Variants in PRDM16 observed in about 807,000 individuals in gnomAD.
PRDM16 encodes histone-lysine N-methyltransferase PRDM16.
PRDM16 carries 23 observed loss-of-function variants against 110.6 expected under a neutral mutation model. The observed-to-expected ratio is 0.21, with a 90% confidence interval of 0.15 to 0.29. The LOEUF is 0.29. Among genes scored for constraint, PRDM16 ranks in the 10% least tolerant of loss-of-function variants. The probability of loss-of-function intolerance (pLI) is 1.00; values close to 1 mark genes in which losing one functional copy is unlikely to be tolerated. For synonymous variants in PRDM16, 799 were observed against 781.8 expected (o/e 1.02, Z -0.37); for missense variants, 1,615 against 1,794.3 (o/e 0.90, Z 1.81).
At chr1:3,138,978 T>C (rs1240519492) in intron 1 of PRDM16, among the ~76,000 whole-genome samples, 1 of 152,194 alleles carries the variant, frequency 6.6e-6, no homozygotes, top group East Asian at 1.9e-4. Context: ...AGTTTTCCTG[T>C]GTGCTGTGGG....
At chr1:3,422,167 C>T (rs1188369349) in intron 12 of PRDM16, among the ~76,000 whole-genome samples, 4 of 142,290 alleles carry the variant, frequency 2.8e-5, no homozygotes. Flanking sequence ...GGCAGACAGG[C>T]AGGAAGGCAG....
chr1:3,298,389 T>G (rs1487488786), intron 3 of PRDM16, among the ~76,000 whole-genome samples: 1 of 152,236 alleles, frequency 6.6e-6, no homozygotes, highest in African/African-American at 2.4e-5. Context: ...AGGGAAGCGC[T>G]GCAGGGCTGG....
chr1:3,154,656 G>T (rs1191661927), intron 1 of PRDM16, among the ~76,000 whole-genome samples: 1 of 152,074 alleles, frequency 6.6e-6, no homozygotes, highest in Admixed American at 6.5e-5. Context: ...GCAGTCGGCC[G>T]GGCATCCTGC....
rs77342112 is a variant in PRDM16 at position 3,279,975 on chromosome 1, G to A, written c.438+35838G>A. ...TCAAGACAAAACCTCATGGAATCCC[G>A]AGTCTTTTAAAAGAAATATTGATTT... On this transcript the variant is annotated intron_variant, in intron 3 of 16. Transcript: ENST00000270722. 8.1e-3 allele frequency among the ~76,000 whole-genome samples: 1,215 copies of A among 150,438 alleles called. 20 individuals are homozygous for A. The highest frequency in any genetic ancestry group is 0.028 in the African/African-American group (1,138 of 40,938).
Position 3,255,837 on chromosome 1 carries a change from A to G in PRDM16, c.438+11700A>G, listed in dbSNP as rs1042828301. ...CCATTGTCACTTGTGCCCAAAGCCAATCCCGTGGCCGCACCGACACCCGAA... is the reference window on the plus strand; with the variant it reads ...CCATTGTCACTTGTGCCCAAAGCCAGTCCCGTGGCCGCACCGACACCCGAA... On this transcript the variant is annotated intron_variant, in intron 3 of 16. Coordinates refer to ENST00000270722, the MANE Select transcript of PRDM16 (RefSeq NM_022114.4). This position sits in a 1 kb window ranked among gnomAD's most constrained non-coding sequence, Gnocchi z 4.7. 1.3e-4 allele frequency among the ~76,000 whole-genome samples: 20 copies of G among 152,148 alleles called. No individual in the cohort carries two copies. Among genetic ancestry groups the G allele is most frequent in the African/African-American group, 4.1e-4 (17 of 41,498 alleles).
Position 3,437,880 on chromosome 1 carries a change from A to T in PRDM16, c.*4069A>T, listed in dbSNP as rs1638950788. The T allele has an allele frequency of 4.6e-6, 1 of 219,652 alleles. No individual in the cohort carries two copies. The highest frequency in any genetic ancestry group is 9.1e-6 in the Non-Finnish European group (1 of 109,522). The allele number at this position is 219,652 out of a possible 1,614,324, so 13.6% of individuals were successfully genotyped here. A position where few individuals can be genotyped will look rare whatever the true frequency, so the allele number is the denominator to read the frequency against. ...TGCCACTGCGCTTTCGGCACGAGGG[A>T]TGCTGAGCCCTGGTGTCAGAGTCGT... is the stretch of plus-strand genomic sequence containing the variant. On this transcript the variant is annotated 3_prime_UTR_variant, in exon 17 of 17. Transcript: ENST00000270722.
At chr1:3,181,235 CTTACACACA>C (rs1644166893) in intron 1 of PRDM16, among the ~76,000 whole-genome samples, 3 of 146,092 alleles carry the variant, frequency 2.1e-5, no homozygotes, top group African/African-American at 7.7e-5. Flanking sequence ...TACACACGGT[CTTACACACA>C]GTCTTACACA....
intron 1 of PRDM16, among the ~76,000 whole-genome samples, chr1:3,185,330 A>C (rs768840088): frequency 6.6e-6 from 1 of 152,138 alleles, no homozygotes; most frequent in Non-Finnish European, 1.5e-5. Context: ...CTGGGGCCCC[A>C]TGAGTCCGAT....
intron 2 of PRDM16, among the ~76,000 whole-genome samples, chr1:3,199,090 C>CT (rs1383425508): frequency 6.6e-6 from 1 of 152,174 alleles, no homozygotes; most frequent in Non-Finnish European, 1.5e-5. Flanking sequence ...CGTTTCAGCC[C>CT]TGGCGCTCAG....
chr1:3,225,191 C>CA (rs1639257877), intron 2 of PRDM16, among the ~76,000 whole-genome samples: 2 of 152,102 alleles, frequency 1.3e-5, no homozygotes. Flanking sequence ...ATTTTGGACA[C>CA]AAAATAGCTC....
intron 3 of PRDM16, among the ~76,000 whole-genome samples, chr1:3,345,153 A>AG (rs1195983432): frequency 6.6e-6 from 1 of 152,228 alleles, no homozygotes; most frequent in Admixed American, 6.5e-5. Flanking sequence ...TAGGCTGCAC[A>AG]GTGGCCTTGA....
rs1227050891 is a variant in PRDM16 at position 3,070,075 on chromosome 1, G to A, written c.37+779G>A. On this transcript the variant is annotated intron_variant, in intron 1 of 16. Coordinates refer to ENST00000270722, the MANE Select transcript of PRDM16 (RefSeq NM_022114.4). ...CGGGGCGACAGTGCCTCCGACAGGAGGGACCCACCCGGCCACCTCCCGACC... is the reference window on the plus strand; with the variant it reads ...CGGGGCGACAGTGCCTCCGACAGGAAGGACCCACCCGGCCACCTCCCGACC... Among the ~76,000 whole-genome samples, 12 of 152,066 alleles carry A rather than the reference G, an allele frequency of 7.9e-5. No individual in the cohort carries two copies. The East Asian group carries it at 1.8e-3, about 22-fold the overall frequency.
chr1:3,270,159 C>T (rs1640405877), intron 3 of PRDM16, among the ~76,000 whole-genome samples: 1 of 137,904 alleles, frequency 7.3e-6, no homozygotes, highest in Non-Finnish European at 1.5e-5. Flanking sequence ...GGAGGACAGT[C>T]GGGAGAATAG....
At chr1:3,408,634 G>A (rs892802637) in intron 8 of PRDM16, among the ~76,000 whole-genome samples, 24 of 151,602 alleles carry the variant, frequency 1.6e-4, no homozygotes, top group African/African-American at 3.4e-4. Flanking sequence ...GTGTGGGTGC[G>A]TGAGCTGGTG....
At chr1:3,178,323 G>A (rs1359039512) in intron 1 of PRDM16, among the ~76,000 whole-genome samples, 3 of 152,142 alleles carry the variant, frequency 2.0e-5, no homozygotes, top group African/African-American at 7.2e-5. Flanking sequence ...AATTCTTGGC[G>A]AATCTCCCCT....
At position 3,294,739 on chromosome 1, in the gene PRDM16, A is replaced by G. The variant is rs1460395474; in HGVS notation, c.438+50602A>G. 4.6e-5 allele frequency among the ~76,000 whole-genome samples: 7 copies of G among 152,188 alleles called. No homozygotes were observed. In the East Asian group the frequency reaches 1.4e-3, roughly 29 times the overall value. The stretch of plus-strand genomic sequence containing the variant: ...AGTCACCTCCATTCTCCTCCAAGAA[A>G]AGCCCACGAGAGACTCAGAGGCAAG... On this transcript the variant is annotated intron_variant, in intron 3 of 16. Coordinates refer to ENST00000270722, the MANE Select transcript of PRDM16 (RefSeq NM_022114.4).
chr1:3,279,590 A>T (rs1180817086), intron 3 of PRDM16, among the ~76,000 whole-genome samples: 1 of 152,230 alleles, frequency 6.6e-6, no homozygotes, highest in Admixed American at 6.5e-5. Context: ...CTTGAGCAAG[A>T]GGCTCTGAGG....
intron 16 of PRDM16, among the ~76,000 whole-genome samples, 162 bp from the exon 17 acceptor site, chr1:3,433,515 C>T (rs904662058): frequency 2.1e-5 from 3 of 145,238 alleles, no homozygotes; most frequent in African/African-American, 2.5e-5. Flanking sequence ...CCTGCCCACG[C>T]GCTCACCTGC....
At chr1:3,324,290 G>A (rs1480030996) in intron 3 of PRDM16, among the ~76,000 whole-genome samples, 1 of 152,140 alleles carries the variant, frequency 6.6e-6, no homozygotes, top group Non-Finnish European at 1.5e-5. Context: ...CCCCCAGCCT[G>A]CCGGGCTCAC....
Sources: allele counts gnomAD v4.1 joint callset (sites outside exome capture counted in the v4.1 genomes callset), GRCh38; gene constraint gnomAD v4.1.1; non-coding constraint Gnocchi (gnomAD v3.1); transcripts MANE v1.5; gene names NCBI Gene and HGNC (gene_info 2026-07-23, HGNC 2026-07-21).